The following TP53BP1 variants were observed in gnomAD, a reference collection of about 807,000 sequenced individuals.
TP53BP1 encodes TP53-binding protein 1.
A neutral mutation model predicts 200.8 loss-of-function variants in TP53BP1; 61 were observed. The observed-to-expected ratio is 0.30, with a 90% CI of 0.25 to 0.38. The LOEUF (loss-of-function observed/expected upper bound fraction) is 0.38. Among genes scored for constraint, TP53BP1 ranks in the 10% least tolerant of loss-of-function variants. The pLI is 1.00. For missense variants in TP53BP1, 2,144 were observed against 2,371.9 expected (o/e 0.90, Z 2.00); for synonymous variants, 822 against 844.3 (o/e 0.97, Z 0.46).
At chr15:43,413,739 G>C (rs888630493) in intron 23 of TP53BP1, among the ~76,000 whole-genome samples, 1 of 151,530 alleles carries the variant, frequency 6.6e-6, no homozygotes, top group African/African-American at 2.4e-5. Flanking sequence ...TCTCTGTCCC[G>C]TGCTCTGATT....
Position 43,403,983 on chromosome 15 carries a change from TCA to T in TP53BP1, c.*3398_*3399del. ...TTGAAGCAGGTAATACTGTGCCACC[TCA>T]CAGTGCTCAAAAATAGTTCAGTCCT... On this transcript the variant is annotated 3_prime_UTR_variant, in exon 28 of 28. Coordinates refer to ENST00000382044, the MANE Select transcript of TP53BP1 (RefSeq NM_001141980.3). 3.4e-6 allele frequency: 2 copies of T among 593,010 alleles called. No homozygotes were observed. Among genetic ancestry groups the T allele is most frequent in the Non-Finnish European group, 3.0e-6 (1 of 332,118 alleles). The allele number at this position is 593,010 out of a possible 1,614,324, so 36.7% of individuals were successfully genotyped here. A position where few individuals can be genotyped will look rare whatever the true frequency, so the allele number is the denominator to read the frequency against.
intron 19 of TP53BP1, 54 bp from the exon 20 acceptor site, chr15:43,421,228 C>T: frequency 6.3e-7 from 1 of 1,587,218 alleles, no homozygotes; most frequent in Middle Eastern, 1.7e-4. Flanking sequence ...ATCTTTTCTT[C>T]ACAAAGTCTC....
Position 43,406,607 on chromosome 15 carries a change from A to C in TP53BP1, c.*776T>G, listed in dbSNP as rs1381417034. The stretch of plus-strand genomic sequence containing the variant: ...ACTCTTTGACCCTTTACAGAAAAAA[A>C]CCTTGTTGACCCCTGCTTTAGAGAA... On this transcript the variant is annotated 3_prime_UTR_variant, in exon 28 of 28. Coordinates refer to ENST00000382044, the MANE Select transcript of TP53BP1 (RefSeq NM_001141980.3). 2.2e-6 allele frequency: 1 copy of C among 456,022 alleles called. No individual in the cohort carries two copies. Among genetic ancestry groups the C allele is most frequent in the East Asian group, 6.9e-5 (1 of 14,396 alleles). The allele number at this position is 456,022 out of a possible 1,614,324, so 28.2% of individuals were successfully genotyped here.
chr15:43,486,370 G>A (rs113776108), intron 4 of TP53BP1, among the ~76,000 whole-genome samples: 76 of 152,082 alleles, frequency 5.0e-4, no homozygotes, highest in African/African-American at 1.7e-3. Flanking sequence ...AGCGAAACTC[G>A]GTCTCAAAAT....
At chr15:43,431,406 C>T (rs2045667700) in intron 17 of TP53BP1, among the ~76,000 whole-genome samples, 1 of 152,062 alleles carries the variant, frequency 6.6e-6, no homozygotes, top group Non-Finnish European at 1.5e-5. Context: ...GACTTCTTTT[C>T]ATCTACTCAA....
intron 23 of TP53BP1, 144 bp downstream of exon 23, chr15:43,415,450 A>G (rs2045241833): frequency 2.4e-6 from 2 of 821,414 alleles, no homozygotes; most frequent in Non-Finnish European, 4.1e-6. Flanking sequence ...CTGTCCCTGA[A>G]TATCACCTGT....
intron 4 of TP53BP1, among the ~76,000 whole-genome samples, chr15:43,486,529 A>G (rs2079049340): frequency 6.6e-6 from 1 of 152,230 alleles, no homozygotes; most frequent in African/African-American, 2.4e-5. Context: ...CCAAAGAAGT[A>G]AAACCATAAA....
chr15:43,479,935 T>C lies in TP53BP1; in HGVS notation c.582A>G (p.Glu194=). 6.2e-7 allele frequency: 1 copy of C among 1,614,168 alleles called. No homozygotes were observed. Among genetic ancestry groups the C allele is most frequent in the Non-Finnish European group, 8.5e-7 (1 of 1,180,024 alleles). Residue 194 remains glutamate (E), a synonymous_variant, in exon 6 of 28, where the codon GAA becomes GAG. Coordinates refer to ENST00000382044, the MANE Select transcript of TP53BP1 (RefSeq NM_001141980.3). ...CTGATTGTAGCTGCTCTTTGTCCAC[T>C]TCATATGGCACAGTATTTTCCTCAA... The part of the protein sequence containing the change: ...QDVEENTVPY[E]VDKEQLQSVT...
chr15:43,444,691 G>A (rs1391907471), intron 14 of TP53BP1, among the ~76,000 whole-genome samples: 1 of 152,162 alleles, frequency 6.6e-6, no homozygotes, highest in African/African-American at 2.4e-5. Context: ...CTATACATGT[G>A]AAGTACCTGG....
At chr15:43,450,316 A>G (rs973024332) in intron 12 of TP53BP1, among the ~76,000 whole-genome samples, 1 of 152,240 alleles carries the variant, frequency 6.6e-6, no homozygotes, top group Non-Finnish European at 1.5e-5. Context: ...CTTTGTTCTT[A>G]AAAGAACTGG....
chr15:43,508,193 C>A (rs2079248754), intron 1 of TP53BP1, among the ~76,000 whole-genome samples: 1 of 152,170 alleles, frequency 6.6e-6, no homozygotes, highest in Non-Finnish European at 1.5e-5. Context: ...AACCCCGTCT[C>A]TACTAAAACT....
At chr15:43,440,527 A>AAAAAAAAAAAC (rs1415261894) in intron 15 of TP53BP1, among the ~76,000 whole-genome samples, 3 of 90,484 alleles carry the variant, frequency 3.3e-5, no homozygotes, top group Non-Finnish European at 6.5e-5. Flanking sequence ...AAAAAAAAAC[A>AAAAAAAAAAAC]AAAAAAAAAC....
At chr15:43,420,972 A>G in intron 20 of TP53BP1, 53 bp downstream of exon 20, 1 of 1,570,414 alleles carries the variant, frequency 6.4e-7, no homozygotes. Context: ...CCTCTCCTCC[A>G]TTCCCTTGTT....
chr15:43,461,511 T>C (rs1235399064), intron 11 of TP53BP1, among the ~76,000 whole-genome samples: 2 of 152,050 alleles, frequency 1.3e-5, no homozygotes, highest in Non-Finnish European at 2.9e-5. Context: ...AGCTACCTCG[T>C]CCGGCCAAGA....
chr15:43,426,166 G>A (rs1349873948), intron 18 of TP53BP1, among the ~76,000 whole-genome samples: 10 of 151,860 alleles, frequency 6.6e-5, no homozygotes, highest in African/African-American at 2.2e-4. Context: ...AAAACAGGCC[G>A]GGCGCAGTGG....
At position 43,432,675 on chromosome 15, in the gene TP53BP1, C is replaced by T; in HGVS notation, c.3194G>A (p.Gly1065Glu). 1 of 1,598,824 alleles carries T rather than the reference C, an allele frequency of 6.3e-7. No individual in the cohort carries two copies. The highest frequency in any genetic ancestry group is 8.5e-7 in the Non-Finnish European group (1 of 1,171,472). ...SEDPPTTPIR[G>E]NLLHFPSSQG... The stretch of plus-strand genomic sequence containing the variant: ...AGAACTTGGAAAGTGGAGCAAGTTC[C>T]CCCTGAAAATGCAACATATAAAGAA... The change falls in exon 17 of 28, where the codon GGG (glycine) becomes GAG (glutamate). Residue 1065 changes from glycine to glutamate, a missense_variant and splice_region_variant. By Grantham distance (98) the Gly-to-Glu change is moderately conservative. Around this residue, in one of 4 missense-constraint regions of TP53BP1, gnomAD observed 1,700 missense variants for 1,710.3 expected, o/e 0.99. Transcript: ENST00000382044.
chr15:43,443,299 A>G (rs1290025799), intron 14 of TP53BP1, among the ~76,000 whole-genome samples: 1 of 152,174 alleles, frequency 6.6e-6, no homozygotes, highest in African/African-American at 2.4e-5. Flanking sequence ...TAAGTAGAAA[A>G]TATTTTAGGT....
rs1318790840 is a variant in TP53BP1, at chr15:43,404,587, T to C, written c.*2796A>G. 6.2e-7 allele frequency: 1 copy of C among 1,605,224 alleles called. No individual in the cohort carries two copies. Among genetic ancestry groups the C allele is most frequent in the Non-Finnish European group, 8.5e-7 (1 of 1,175,998 alleles). ...ACCCTTGGGTAACTCAGTAGACTTT[T>C]TAAGGTGGCTTTTTAATGAGTTGTA... On this transcript the variant is annotated 3_prime_UTR_variant, in exon 28 of 28. Transcript: ENST00000382044.
chr15:43,492,564 G>C, intron 1 of TP53BP1, 96 bp from the exon 2 acceptor site: 2 of 967,512 alleles, frequency 2.1e-6, no homozygotes. Context: ...CAAGAGCTGG[G>C]AAACGGGACC....
Sources: allele counts gnomAD v4.1 joint callset (sites outside exome capture counted in the v4.1 genomes callset), GRCh38; gene constraint gnomAD v4.1.1; regional missense constraint gnomAD v4.1.1; transcripts MANE v1.5; gene names NCBI Gene and HGNC (gene_info 2026-07-23, HGNC 2026-07-21).